NFIX: variants seen among roughly 807,000 people sequenced by gnomAD.
NFIX encodes nuclear factor 1 X-type.
A neutral mutation model predicts 53.3 loss-of-function variants in NFIX; 2 were observed. The observed-to-expected ratio is 0.04, with a 90% CI of 0.02 to 0.12. The LOEUF is 0.12. NFIX is among the 10% of genes least tolerant of loss of function. The pLI is 1.00. For synonymous variants in NFIX, 244 were observed against 289.0 expected (o/e 0.84, Z 1.58); for missense variants, 310 against 674.5 (o/e 0.46, Z 5.99).
At chr19:13,041,263 C>T (rs993174313) in intron 2 of NFIX, among the ~76,000 whole-genome samples, 4 of 152,120 alleles carry the variant, frequency 2.6e-5, no homozygotes, top group South Asian at 2.1e-4. Flanking sequence ...GTGCCTGGTA[C>T]GTACAGTCCC....
intron 8 of NFIX, among the ~76,000 whole-genome samples, chr19:13,086,603 C>T (rs1292499801): frequency 2.6e-5 from 4 of 152,174 alleles, no homozygotes. Context: ...ATCCTGGCCT[C>T]CACCCAGCCC....
Position 13,088,994 on chromosome 19 carries a change from G to T in NFIX, c.1402+858G>T, listed in dbSNP as rs968777698. On this transcript the variant is annotated intron_variant, in intron 9 of 10. Coordinates refer to ENST00000592199, the MANE Select transcript of NFIX (RefSeq NM_001365902.3). The surrounding 1 kb of genome is among the most constrained non-coding windows in gnomAD (Gnocchi z 5.9). ...TCTGTGGGCCAGGGTGGGCAGCTCT[G>T]GGGGTGGGCAGGCCACAGGCCAGGG... 2.0e-5 allele frequency among the ~76,000 whole-genome samples: 3 copies of T among 152,084 alleles called. No homozygotes were observed. The highest frequency in any genetic ancestry group is 4.4e-5 in the Non-Finnish European group (3 of 67,998).
At position 13,009,979 on chromosome 19, in the gene NFIX, C is replaced by A. The variant is rs2012239317; in HGVS notation, c.27+14115C>A. ...CACAGGTGGAGTGGCCCACCTTGGG[C>A]CCGGGGGGGCCTCCAGGAGCCCCCT... On this transcript the variant is annotated intron_variant, in intron 1 of 10. Coordinates refer to ENST00000592199, the MANE Select transcript of NFIX (RefSeq NM_001365902.3). This position sits in a 1 kb window ranked among gnomAD's most constrained non-coding sequence, Gnocchi z 4.7. Among the ~76,000 whole-genome samples, 1 of 152,160 alleles carries A rather than the reference C, an allele frequency of 6.6e-6. No homozygotes were observed. The highest frequency in any genetic ancestry group is 1.5e-5 in the Non-Finnish European group (1 of 67,994).
rs1235211886 is a variant in NFIX at position 13,097,192 on chromosome 19, T to G, written c.*2543T>G. 6.6e-6 allele frequency: 1 copy of G among 151,126 alleles called. No homozygotes were observed. Among genetic ancestry groups the G allele is most frequent in the Non-Finnish European group, 1.5e-5 (1 of 67,842 alleles). The allele number at this position is 151,126 out of a possible 1,614,324, so 9.4% of individuals were successfully genotyped here. Reference sequence around the variant, plus strand: ...CTTTTTTTTGTTCGTTTTTAGTTTTTTTTTTTTTAAGTCGTTTTCCTGCGT... The same window carrying G: ...CTTTTTTTTGTTCGTTTTTAGTTTTGTTTTTTTTAAGTCGTTTTCCTGCGT... On this transcript the variant is annotated 3_prime_UTR_variant, in exon 11 of 11. Coordinates refer to ENST00000592199, the MANE Select transcript of NFIX (RefSeq NM_001365902.3).
intron 1 of NFIX, among the ~76,000 whole-genome samples, chr19:13,019,269 G>T (rs1200760301): frequency 6.6e-6 from 1 of 152,184 alleles, no homozygotes; most frequent in Non-Finnish European, 1.5e-5. Context: ...TTTCCTTGAA[G>T]AATTTTTAAC....
In NFIX at chr19:13,093,646, A is replaced by G. The variant is rs1448818188; in HGVS notation, c.1495-989A>G. Among the ~76,000 whole-genome samples the G allele has an allele frequency of 6.6e-6, 1 of 152,176 alleles. No individual in the cohort carries two copies. The highest frequency in any genetic ancestry group is 1.5e-5 in the Non-Finnish European group (1 of 68,020). On this transcript the variant is annotated intron_variant, in intron 10 of 10. Coordinates refer to ENST00000592199, the MANE Select transcript of NFIX (RefSeq NM_001365902.3). The surrounding 1 kb of genome is among the most constrained non-coding windows in gnomAD (Gnocchi z 4.7). ...TGGGGTCAGGGCAGGGGTGGAGTGA[A>G]CCAGGACCTGGTATGTGCTCTGTAG...
At position 13,088,391 on chromosome 19, in the gene NFIX, G is replaced by A. The variant is rs944225100; in HGVS notation, c.1402+255G>A. 6.6e-6 allele frequency among the ~76,000 whole-genome samples: 1 copy of A among 152,084 alleles called. No homozygotes were observed. The highest frequency in any genetic ancestry group is 1.5e-5 in the Non-Finnish European group (1 of 68,010). On this transcript the variant is annotated intron_variant, in intron 9 of 10. Coordinates refer to ENST00000592199, the MANE Select transcript of NFIX (RefSeq NM_001365902.3). This position sits in a 1 kb window ranked among gnomAD's most constrained non-coding sequence, Gnocchi z 5.9. The stretch of plus-strand genomic sequence containing the variant: ...CCTGGCCCAGGCCCCTCTGGGGGGC[G>A]GGAGGGAGAGCACAGCTGGGGCGCG...
intron 5 of NFIX, 105 bp downstream of exon 5, chr19:13,074,131 G>C (rs1483748424): frequency 7.0e-7 from 1 of 1,421,650 alleles, no homozygotes; most frequent in Non-Finnish European, 9.7e-7. Flanking sequence ...GGGTGCTTCA[G>C]AATGTCACCT....
At chr19:13,004,195 C>T (rs2011885018) in intron 1 of NFIX, among the ~76,000 whole-genome samples, 1 of 152,026 alleles carries the variant, frequency 6.6e-6, no homozygotes, top group Non-Finnish European at 1.5e-5. Context: ...ATGATCCAGC[C>T]CCAAATGTCA....
chr19:13,057,212 TC>T (rs1188717243), intron 2 of NFIX, among the ~76,000 whole-genome samples: 1 of 152,134 alleles, frequency 6.6e-6, no homozygotes, highest in African/African-American at 2.4e-5. Context: ...AGTGGGACCT[TC>T]CCCTCCTCGG....
In NFIX at chr19:13,021,458, G is replaced by A. The variant is rs1568264786; in HGVS notation, c.28-3563G>A. On this transcript the variant is annotated intron_variant, in intron 1 of 10. Coordinates refer to ENST00000592199, the MANE Select transcript of NFIX (RefSeq NM_001365902.3). This position sits in a 1 kb window ranked among gnomAD's most constrained non-coding sequence, Gnocchi z 4.2. ...TTTGGCATGCCCCAGGTGCTCTTCC[G>A]GGAACCTTTCTGCCAACATAAAGGC... is the stretch of plus-strand genomic sequence containing the variant. Among the ~76,000 whole-genome samples, 1 of 152,062 alleles carries A rather than the reference G, an allele frequency of 6.6e-6. No homozygotes were observed. The highest frequency in any genetic ancestry group is 6.5e-5 in the Admixed American group (1 of 15,272).
intron 1 of NFIX, among the ~76,000 whole-genome samples, chr19:12,999,153 T>C (rs4926177): frequency 1.4e-3 from 208 of 151,960 alleles, no homozygotes; most frequent in Admixed American, 3.7e-3. Flanking sequence ...CTCAGGTGTG[T>C]ACACAAATAA....
At position 13,081,603 on chromosome 19, in the gene NFIX, T is replaced by A; in HGVS notation, c.1079-77T>A. 7 of 1,473,784 alleles carry A rather than the reference T, an allele frequency of 4.7e-6. No homozygotes were observed. The highest frequency in any genetic ancestry group is 6.4e-6 in the Non-Finnish European group (7 of 1,088,420). 91.3% of individuals were successfully genotyped at this position (1,473,784 alleles called of 1,614,324 possible). On this transcript the variant is annotated intron_variant, in intron 7 of 10. Transcript: ENST00000592199. The surrounding 1 kb of genome is among the most constrained non-coding windows in gnomAD (Gnocchi z 4.7). ...TCCTCAGGACCCTCTGACCGGCAGCTCCCCTCCTCTCCTGTCCCTCCCACT... is the reference window on the plus strand; with the variant it reads ...TCCTCAGGACCCTCTGACCGGCAGCACCCCTCCTCTCCTGTCCCTCCCACT...
rs1490773287 is a variant in NFIX, at chr19:13,025,191, G to A, written c.198G>A (p.Glu66=). The A allele has an allele frequency of 2.5e-6, 4 of 1,614,110 alleles. No homozygotes were observed. The African/African-American group carries it at 5.3e-5, about 22-fold the overall frequency. The change falls in exon 2 of 11, where the codon GAG becomes GAA. Residue 66 remains glutamate (E), a synonymous_variant. Coordinates refer to ENST00000592199, the MANE Select transcript of NFIX (RefSeq NM_001365902.3). The surrounding 1 kb of genome is among the most constrained non-coding windows in gnomAD (Gnocchi z 7.5). ...VKDELLGEKP[E]IKQKWASRLL... ...ACGAGCTGCTGGGCGAGAAGCCCGA[G>A]ATCAAGCAGAAGTGGGCATCCCGGC...
chr19:13,063,632 C>T (rs2016229896), intron 2 of NFIX, among the ~76,000 whole-genome samples: 1 of 152,136 alleles, frequency 6.6e-6, no homozygotes, highest in Non-Finnish European at 1.5e-5. Context: ...TGATTCTCTA[C>T]TGTGGCTCCT....
rs2012988122 is a variant in NFIX at position 13,022,374 on chromosome 19, G to C, written c.28-2647G>C. On this transcript the variant is annotated intron_variant, in intron 1 of 10. Transcript: ENST00000592199. This position sits in a 1 kb window ranked among gnomAD's most constrained non-coding sequence, Gnocchi z 4.5. ...GGGAGAAGGGAGGGACGTGTGGGGT[G>C]CTGGCCTCCCCCTTGTCTGAGAGTG... is the stretch of plus-strand genomic sequence containing the variant. Among the ~76,000 whole-genome samples the C allele has an allele frequency of 6.6e-6, 1 of 152,122 alleles. No individual in the cohort carries two copies. The highest frequency in any genetic ancestry group is 2.1e-4 in the South Asian group (1 of 4,830).
intron 2 of NFIX, among the ~76,000 whole-genome samples, chr19:13,048,619 G>A (rs2015139941): frequency 6.6e-6 from 1 of 151,878 alleles, no homozygotes; most frequent in East Asian, 1.9e-4. Flanking sequence ...CAGCGTTTTG[G>A]GAAGCCGAGG....
Position 13,081,991 on chromosome 19 carries a change from A to G in NFIX, c.1254+136A>G, listed in dbSNP as rs1158344820. Reference sequence around the variant, plus strand: ...GGAGCAGCAGGGAGCTGGTAGTACCAAACGCCTCGATTTTCTGGGTCTGGG... The same window carrying G: ...GGAGCAGCAGGGAGCTGGTAGTACCGAACGCCTCGATTTTCTGGGTCTGGG... On this transcript the variant is annotated intron_variant, in intron 8 of 10. Transcript: ENST00000592199. This position sits in a 1 kb window ranked among gnomAD's most constrained non-coding sequence, Gnocchi z 4.7. The G allele has an allele frequency of 2.1e-6, 2 of 964,184 alleles. No homozygotes were observed. Among genetic ancestry groups the G allele is most frequent in the Non-Finnish European group, 3.1e-6 (2 of 655,088 alleles). 59.7% of individuals were successfully genotyped at this position (964,184 alleles called of 1,614,324 possible). A position where few individuals can be genotyped will look rare whatever the true frequency, so the allele number is the denominator to read the frequency against.
chr19:13,008,167 C>T (rs2012130586), intron 1 of NFIX, among the ~76,000 whole-genome samples: 1 of 152,176 alleles, frequency 6.6e-6, no homozygotes, highest in African/African-American at 2.4e-5. Context: ...TTGGGAAAAA[C>T]GTACGGCTCC....
Sources: gnomAD v4.1 joint callset for allele counts (sites outside exome capture counted in the v4.1 genomes callset) on GRCh38, gnomAD v4.1.1 for gene constraint, Gnocchi (gnomAD v3.1) non-coding constraint, MANE v1.5 for transcripts, NCBI Gene and HGNC (gene_info 2026-07-23, HGNC 2026-07-21) for gene names.